Variants in CACNG5 observed in about 807,000 individuals in gnomAD.
The protein encoded by CACNG5 is calcium voltage-gated channel auxiliary subunit gamma 5, also known as voltage-dependent calcium channel gamma-5 subunit.
CACNG5 carries 18 observed loss-of-function variants against 24.8 expected under a neutral mutation model. The observed-to-expected ratio is 0.73, with a 90% CI of 0.50 to 1.08. The LOEUF (loss-of-function observed/expected upper bound fraction) is 1.08. Among genes scored for constraint, CACNG5 ranks in the 50% least tolerant of loss-of-function variants. The pLI is 0.00. For synonymous variants in CACNG5, 157 were observed against 149.1 expected, an observed-to-expected ratio of 1.05 and a Z score of -0.39; for missense variants, 349 against 367.9, an observed-to-expected ratio of 0.95 and a Z score of 0.42.
rs1014760266 is a variant in CACNG5 at position 66,889,595 on chromosome 17, A to G, written c.*4355A>G. ...AAGAAGTTGTGGAGACTTGGTGAGT[A>G]CAACCAAAATCTGATGGCAGAGGCT... On this transcript the variant is annotated 3_prime_UTR_variant, in exon 6 of 6. Coordinates refer to ENST00000533854, the MANE Select transcript of CACNG5 (RefSeq NM_145811.3). 4.6e-5 allele frequency among the ~76,000 whole-genome samples: 7 copies of G among 152,196 alleles called. No homozygotes were observed. Among genetic ancestry groups the G allele is most frequent in the African/African-American group, 1.4e-4 (6 of 41,440 alleles).
chr17:66,884,737 G>A lies in CACNG5; in HGVS notation c.570+76G>A, dbSNP rs747876030. ...ACTGAGCCGGGGAGAGTGGGGATGG[G>A]GGAGAAGGGACATTCCACAACCATT... On this transcript the variant is annotated intron_variant, in intron 5 of 5. Coordinates refer to ENST00000533854, the MANE Select transcript of CACNG5 (RefSeq NM_145811.3). The A allele has an allele frequency of 9.3e-6, 15 of 1,613,920 alleles. No homozygotes were observed. The African/African-American group carries it at 1.9e-4, about 20-fold the overall frequency.
chr17:66,835,927 A>G (rs1441358147), intron 1 of CACNG5, among the ~76,000 whole-genome samples: 1 of 152,210 alleles, frequency 6.6e-6, no homozygotes, highest in Non-Finnish European at 1.5e-5. Flanking sequence ...AAAACCTCTC[A>G]TTGTGATTCC....
intron 4 of CACNG5, among the ~76,000 whole-genome samples, chr17:66,881,192 C>T (rs1195145993): frequency 1.3e-5 from 2 of 152,192 alleles, no homozygotes; most frequent in African/African-American, 4.8e-5. Flanking sequence ...AGAAGAGCAA[C>T]AGAGGCTCCA....
chr17:66,881,989 G>A (rs1977164663), intron 4 of CACNG5, among the ~76,000 whole-genome samples: 1 of 152,150 alleles, frequency 6.6e-6, no homozygotes, highest in African/African-American at 2.4e-5. Flanking sequence ...GATGGATTTT[G>A]AGCCAAGGGA....
At chr17:66,857,998 A>G (rs1203705149) in intron 1 of CACNG5, among the ~76,000 whole-genome samples, 2 of 152,012 alleles carry the variant, frequency 1.3e-5, no homozygotes, top group African/African-American at 4.8e-5. Flanking sequence ...GTTCTATCCA[A>G]TCCTGTCTGG....
intron 1 of CACNG5, among the ~76,000 whole-genome samples, chr17:66,868,143 C>T (rs1223339859): frequency 1.3e-5 from 2 of 152,200 alleles, no homozygotes; most frequent in East Asian, 1.9e-4. Context: ...TCCAGCTGGA[C>T]TTCTTCTTTT....
At chr17:66,844,879 T>C (rs915817431) in intron 1 of CACNG5, among the ~76,000 whole-genome samples, 1 of 152,236 alleles carries the variant, frequency 6.6e-6, no homozygotes, top group Non-Finnish European at 1.5e-5. Context: ...TTCTGAACCC[T>C]TGGAATTTGT....
intron 5 of CACNG5, 54 bp from the exon 6 acceptor site, chr17:66,884,929 G>C (rs371028126): frequency 1.2e-6 from 2 of 1,613,946 alleles, no homozygotes; most frequent in African/African-American, 2.7e-5. Context: ...CCAGCCAAGG[G>C]AGATGAGGCA....
chr17:66,847,655 C>T (rs903827003), intron 1 of CACNG5, among the ~76,000 whole-genome samples: 1 of 152,092 alleles, frequency 6.6e-6, no homozygotes, highest in Non-Finnish European at 1.5e-5. Flanking sequence ...AACCATATCA[C>T]CTTCCCCCTA....
At position 66,888,767 on chromosome 17, in the gene CACNG5, T is replaced by C. The variant is rs904935971; in HGVS notation, c.*3527T>C. On this transcript the variant is annotated 3_prime_UTR_variant, in exon 6 of 6. Transcript: ENST00000533854. Reference sequence around the variant, plus strand: ...GTTTATGGCAGGGTTGGAAAGTCTCTGGTCAGAGAAGAGGTTATCTTGGGG... The same window carrying C: ...GTTTATGGCAGGGTTGGAAAGTCTCCGGTCAGAGAAGAGGTTATCTTGGGG... Among the ~76,000 whole-genome samples, 6 of 151,962 alleles carry C rather than the reference T, an allele frequency of 3.9e-5. No homozygotes were observed. The highest frequency in any genetic ancestry group is 5.9e-5 in the Non-Finnish European group (4 of 67,996).
At chr17:66,873,555 G>T (rs543536968) in intron 1 of CACNG5, among the ~76,000 whole-genome samples, 1 of 152,082 alleles carries the variant, frequency 6.6e-6, no homozygotes, top group Non-Finnish European at 1.5e-5. Flanking sequence ...GCTCAGCTTC[G>T]ACCAGGCAAC....
At chr17:66,883,656 T>C (rs1057231442) in intron 4 of CACNG5, among the ~76,000 whole-genome samples, 1 of 152,146 alleles carries the variant, frequency 6.6e-6, no homozygotes, top group African/African-American at 2.4e-5. Context: ...TTACCTCCCC[T>C]ACCTAAAGAT....
chr17:66,842,221 G>A (rs1047481362), intron 1 of CACNG5, among the ~76,000 whole-genome samples: 1 of 152,194 alleles, frequency 6.6e-6, no homozygotes, highest in Non-Finnish European at 1.5e-5. Flanking sequence ...GCAAGGCAAG[G>A]TGGTGAGAAG....
At chr17:66,863,214 A>G (rs1172543700) in intron 1 of CACNG5, among the ~76,000 whole-genome samples, 1 of 152,184 alleles carries the variant, frequency 6.6e-6, no homozygotes, top group Non-Finnish European at 1.5e-5. Flanking sequence ...ATTCAGTTCA[A>G]CAGACAAAGA....
At chr17:66,882,142 A>G (rs1487115900) in intron 4 of CACNG5, among the ~76,000 whole-genome samples, 1 of 152,138 alleles carries the variant, frequency 6.6e-6, no homozygotes, top group Non-Finnish European at 1.5e-5. Flanking sequence ...GATGGTGGAA[A>G]AGAGAGAAAT....
At chr17:66,875,844 T>G (rs1977069874) in intron 1 of CACNG5, among the ~76,000 whole-genome samples, 1 of 152,222 alleles carries the variant, frequency 6.6e-6, no homozygotes, top group Non-Finnish European at 1.5e-5. Flanking sequence ...CAAGGGTGGC[T>G]TGGGTGACAC....
rs1339657707 is a variant in CACNG5, at chr17:66,887,829, G to A, written c.*2589G>A. Among the ~76,000 whole-genome samples, 4 of 152,086 alleles carry A rather than the reference G, an allele frequency of 2.6e-5. No homozygotes were observed. Among genetic ancestry groups the A allele is most frequent in the Non-Finnish European group, 4.4e-5 (3 of 68,022 alleles). On this transcript the variant is annotated 3_prime_UTR_variant, in exon 6 of 6. Coordinates refer to ENST00000533854, the MANE Select transcript of CACNG5 (RefSeq NM_145811.3). ...ACACGCATCTTAGGAACAGGTTCTC[G>A]GTCATTACCTGTTTGGGGGTGGGTG... is the stretch of plus-strand genomic sequence containing the variant.
intron 1 of CACNG5, among the ~76,000 whole-genome samples, chr17:66,856,623 T>C (rs1195437142): frequency 4.7e-5 from 7 of 147,488 alleles, no homozygotes; most frequent in Admixed American, 3.4e-4. Flanking sequence ...CTCACTGCAA[T>C]CTCCGCCGCC....
chr17:66,884,607 C>G lies in CACNG5; in HGVS notation c.516C>G (p.Asn172Lys). 1 of 1,614,192 alleles carries G rather than the reference C, an allele frequency of 6.2e-7. No individual in the cohort carries two copies. Among genetic ancestry groups the G allele is most frequent in the Non-Finnish European group, 8.5e-7 (1 of 1,180,026 alleles). The change falls in exon 5 of 6, where the codon AAC (asparagine) becomes AAG (lysine). Residue 172 changes from asparagine (N) to lysine (K), a missense_variant. Transcript: ENST00000533854. ...CCAAGGATGCAGAGACCTACTTCAACTACAAGTATGGGTGGTCGTTTGCCT... is the reference window on the plus strand; with the variant it reads ...CCAAGGATGCAGAGACCTACTTCAAGTACAAGTATGGGTGGTCGTTTGCCT... Reference protein sequence around the residue: ...NRTKDAETYFNYKYGWSFAFA... With the variant: ...NRTKDAETYFKYKYGWSFAFA...
Sources: allele counts gnomAD v4.1 joint callset (sites outside exome capture counted in the v4.1 genomes callset), GRCh38; gene constraint gnomAD v4.1.1; transcripts MANE v1.5; gene names NCBI Gene and HGNC (gene_info 2026-07-23, HGNC 2026-07-21).